Variants in DDX41 observed in about 807,000 individuals in gnomAD.
The protein encoded by DDX41 is DEAD-box helicase 41, also known as probable ATP-dependent RNA helicase DDX41.
DDX41 carries 50 observed loss-of-function variants against 78.8 expected under a neutral mutation model. That is an observed-to-expected ratio of 0.63 (90% CI 0.51 to 0.80). DDX41 has a LOEUF of 0.80. Among genes scored for constraint, DDX41 ranks in the 30% least tolerant of loss-of-function variants. The pLI, the probability that DDX41 is intolerant of heterozygous loss-of-function variation, is 0.00. For missense variants in DDX41, 633 were observed against 849.2 expected, an observed-to-expected ratio of 0.75 and a Z score of 3.16; for synonymous variants, 381 against 321.5, an observed-to-expected ratio of 1.19 and a Z score of -1.98.
chr5:177,516,634 C>T, intron 2 of DDX41, 91 bp downstream of exon 2: 1 of 1,425,508 alleles, frequency 7.0e-7, no homozygotes, highest in South Asian at 1.2e-5. Flanking sequence ...ACTCCTCAGA[C>T]TGCCCTCCTC....
rs1202658237 is a variant in DDX41, at chr5:177,515,940, G to A, written c.423C>T (p.Pro141=). The change falls in exon 5 of 17, where the codon CCC becomes CCT. Residue 141 remains proline (P), a synonymous_variant. Coordinates refer to ENST00000330503, the MANE Select transcript of DDX41 (RefSeq NM_016222.4). ...EMAKGITYDD[P]IKTSWTPPRY... The stretch of plus-strand genomic sequence containing the variant: ...CTGTACAGACATACCTGGTTTTGAT[G>A]GGGTCATCATACGTAATGCCCTTAG... The A allele has an allele frequency of 6.2e-7, 1 of 1,614,128 alleles. No homozygotes were observed. Among genetic ancestry groups the A allele is most frequent in the South Asian group, 1.1e-5 (1 of 91,084 alleles).
At chr5:177,516,552 C>T (rs1400296357) in intron 2 of DDX41, 105 bp from the exon 3 acceptor site, 2 of 1,474,150 alleles carry the variant, frequency 1.4e-6, no homozygotes, top group African/African-American at 2.8e-5. Context: ...AGGCGCAAAG[C>T]TGCCCTACCC....
intron 7 of DDX41, 24 bp from the exon 8 acceptor site, chr5:177,515,093 G>A (rs371633755): frequency 8.7e-6 from 14 of 1,611,732 alleles, no homozygotes; most frequent in Non-Finnish European, 1.2e-5. Flanking sequence ...ATGACCCGAG[G>A]GCCAATTTCA....
Position 177,515,689 on chromosome 5 carries a change from A to G in DDX41, c.567T>C (p.Pro189=). 1 of 1,614,056 alleles carries G rather than the reference A, an allele frequency of 6.2e-7. No individual in the cohort carries two copies. The highest frequency in any genetic ancestry group is 1.1e-5 in the South Asian group (1 of 91,084). The part of the protein sequence containing the change: ...PIKSFKEMKF[P]AAILRGLKKK... ...CTCTCTCCAGCCCCTGACTACCTGC[A>G]GGAAACTTCATTTCCTTGAAGCTCT... The change falls in exon 6 of 17, where the codon CCT becomes CCC. Residue 189 remains proline, a synonymous_variant. Transcript: ENST00000330503.
chr5:177,516,395 T>C lies in DDX41; in HGVS notation c.191A>G (p.Gln64Arg). The change falls in exon 3 of 17, where the codon CAG becomes CGG. Residue 64 changes from glutamine to arginine, a missense_variant. Physicochemically the swap from Gln to Arg is conservative, Grantham distance 43 (BLOSUM62 1). Transcript: ENST00000330503. The part of the protein sequence containing the change: ...RRKGAAEEEQ[Q>R]DSGSEPRGDE... ...TCCCCGGGGTTCACTACCGCTGTCC[T>C]GCTGCTCTTCCTCCGCAGCTCCCTT... The C allele has an allele frequency of 1.2e-6, 2 of 1,613,974 alleles. No homozygotes were observed. The highest frequency in any genetic ancestry group is 1.1e-5 in the South Asian group (1 of 91,084).
At chr5:177,515,135 C>T (rs759005362) in intron 7 of DDX41, 51 bp downstream of exon 7, 1 of 1,613,694 alleles carries the variant, frequency 6.2e-7, no homozygotes, top group Admixed American at 1.7e-5. Flanking sequence ...GCCATTGCTC[C>T]TCCCTGTTCC....
rs56838532 is a variant in DDX41, at chr5:177,515,904, G to A, written c.434+25C>T. On this transcript the variant is annotated intron_variant, in intron 5 of 16. Coordinates refer to ENST00000330503, the MANE Select transcript of DDX41 (RefSeq NM_016222.4). ...CCTGCATGTACCATCCTAAGCAAGG[G>A]CAACTGCAGACTGTACAGACATACC... 3.0e-4 allele frequency: 487 copies of A among 1,614,198 alleles called. 4 individuals carry two copies. The African/African-American group carries it at 5.1e-3, about 17-fold the overall frequency.
chr5:177,515,219 G>A lies in DDX41; in HGVS notation c.611C>T (p.Pro204Leu). 1 of 1,614,028 alleles carries A rather than the reference G, an allele frequency of 6.2e-7. No homozygotes were observed. The highest frequency in any genetic ancestry group is 8.5e-7 in the Non-Finnish European group (1 of 1,180,028). Reference sequence around the variant, plus strand: ...GATGCCCTGGATCTGAATGGGTGTTGGGTGGTGAATGCCTTTCTTCTTCAG... The same window carrying A: ...GATGCCCTGGATCTGAATGGGTGTTAGGTGGTGAATGCCTTTCTTCTTCAG... ...RGLKKKGIHH[P>L]TPIQIQGIPT... Residue 204 changes from proline to leucine, a missense_variant, in exon 7 of 17, where the codon CCA becomes CTA. Physicochemically the swap from Pro to Leu is moderately conservative, Grantham distance 98. Around this residue, in one of 6 missense-constraint regions of DDX41, gnomAD observed 126 missense variants for 115.5 expected, o/e 1.09. Coordinates refer to ENST00000330503, the MANE Select transcript of DDX41 (RefSeq NM_016222.4).
In DDX41 at chr5:177,516,910, C is replaced by G. The variant is rs765022870; in HGVS notation, c.27+9G>C. 71 of 1,613,220 alleles carry G rather than the reference C, an allele frequency of 4.4e-5. No individual in the cohort carries two copies. Among genetic ancestry groups the G allele is most frequent in the Non-Finnish European group, 5.8e-5 (68 of 1,180,016 alleles). On this transcript the variant is annotated intron_variant, in intron 1 of 16. Transcript: ENST00000330503. ...CTCCCACACGCGCGGGGTCTCGCCT[C>G]TCTCCTACCTTCCGTTCGGGTTCCG...
chr5:177,512,975 G>A (rs1371963858), intron 12 of DDX41, 36 bp downstream of exon 12: 2 of 1,612,030 alleles, frequency 1.2e-6, no homozygotes, highest in African/African-American at 1.3e-5. Flanking sequence ...CCTGGTCCTG[G>A]GGACTCTGGC....
intron 2 of DDX41, 59 bp downstream of exon 2, chr5:177,516,666 C>T: frequency 5.3e-6 from 8 of 1,523,468 alleles, no homozygotes; most frequent in Non-Finnish European, 7.1e-6. Context: ...CGAGGCCACG[C>T]CCGCCCCCTG....
rs1300351755 is a variant in DDX41, at chr5:177,516,853, T to C, written c.28-18A>G. 4 of 1,612,952 alleles carry C rather than the reference T, an allele frequency of 2.5e-6. No homozygotes were observed. The highest frequency in any genetic ancestry group is 2.2e-5 in the East Asian group (1 of 44,892). ...CGAGCCCGCTGCAAGCACACGCCAG[T>C]CAGGCACGGCCTGCTCCCCTCTTCA... On this transcript the variant is annotated intron_variant, in intron 1 of 16. Transcript: ENST00000330503.
chr5:177,514,118 G>A lies in DDX41; in HGVS notation c.936-271C>T. 1.6e-6 allele frequency: 1 copy of A among 630,904 alleles called. No homozygotes were observed. Among genetic ancestry groups the A allele is most frequent in the Non-Finnish European group, 2.9e-6 (1 of 339,658 alleles). 39.1% of individuals were successfully genotyped at this position (630,904 alleles called of 1,614,324 possible). ...GAAGCGCTGTCATCAAGCTCCAGAGGCTTTACTCTGGGCTCGCTTTCCTGG... is the reference window on the plus strand; with the variant it reads ...GAAGCGCTGTCATCAAGCTCCAGAGACTTTACTCTGGGCTCGCTTTCCTGG... On this transcript the variant is annotated intron_variant, in intron 9 of 16. Coordinates refer to ENST00000330503, the MANE Select transcript of DDX41 (RefSeq NM_016222.4). The surrounding 1 kb of genome is among the most constrained non-coding windows in gnomAD (Gnocchi z 4.2).
Position 177,513,215 on chromosome 5 carries a change from C to T in DDX41, c.1231-133G>A. 1.3e-6 allele frequency: 2 copies of T among 1,525,706 alleles called. No individual in the cohort carries two copies. Among genetic ancestry groups the T allele is most frequent in the Non-Finnish European group, 1.8e-6 (2 of 1,124,702 alleles). The allele number at this position is 1,525,706 out of a possible 1,614,324, so 94.5% of individuals were successfully genotyped here. A position where few individuals can be genotyped will look rare whatever the true frequency, so the allele number is the denominator to read the frequency against. ...CCAAGGGCTGGTGCCCTAAAAATGGCCCTGGTTAAGCGTCAGGGGCTTTGA... is the reference window on the plus strand; with the variant it reads ...CCAAGGGCTGGTGCCCTAAAAATGGTCCTGGTTAAGCGTCAGGGGCTTTGA... On this transcript the variant is annotated intron_variant, in intron 11 of 16. Coordinates refer to ENST00000330503, the MANE Select transcript of DDX41 (RefSeq NM_016222.4). The surrounding 1 kb of genome is among the most constrained non-coding windows in gnomAD (Gnocchi z 4.6).
In DDX41 at chr5:177,515,804, T is replaced by C; in HGVS notation, c.452A>G (p.Tyr151Cys). 1 of 1,614,134 alleles carries C rather than the reference T, an allele frequency of 6.2e-7. No homozygotes were observed. The highest frequency in any genetic ancestry group is 8.5e-7 in the Non-Finnish European group (1 of 1,180,030). The change falls in exon 6 of 17, where the codon TAT becomes TGT. Residue 151 changes from tyrosine (Y) to cysteine (C), a missense_variant. By Grantham distance (194) the Tyr-to-Cys change is radical. Transcript: ENST00000330503. ...PIKTSWTPPR[Y>C]VLSMSEERHE... ...TCGCTCTTCAGACATGCTCAGAACA[T>C]AACGGGGTGGAGTCCAGCTGTGGAT...
Position 177,513,948 on chromosome 5 carries a change from CTATT to C in DDX41, c.936-105_936-102del. Reference sequence around the variant, plus strand: ...TCTGCTCTGCTCTCTGTCCTCCTTCCTATTTCTTTGTCTGTCCCCTTCTCATCAT... The same window carrying C: ...TCTGCTCTGCTCTCTGTCCTCCTTCCTCTTTGTCTGTCCCCTTCTCATCAT... On this transcript the variant is annotated intron_variant, in intron 9 of 16. Coordinates refer to ENST00000330503, the MANE Select transcript of DDX41 (RefSeq NM_016222.4). This position sits in a 1 kb window ranked among gnomAD's most constrained non-coding sequence, Gnocchi z 4.6. The C allele has an allele frequency of 8.2e-7, 1 of 1,224,486 alleles. No individual in the cohort carries two copies. The highest frequency in any genetic ancestry group is 1.2e-6 in the Non-Finnish European group (1 of 853,346). 75.9% of individuals were successfully genotyped at this position (1,224,486 alleles called of 1,614,324 possible).
chr5:177,512,419 G>C (rs763678467), intron 14 of DDX41, 26 bp from the exon 15 acceptor site: 8 of 1,614,078 alleles, frequency 5.0e-6, no homozygotes, highest in Non-Finnish European at 5.9e-6. Context: ...CAGAGTCTCT[G>C]GCCCATCGCT....
Position 177,511,643 on chromosome 5 carries a change from G to C in DDX41, c.*148C>G. Reference sequence around the variant, plus strand: ...GAAACAAAAACAGTAATTCTGAAGAGCACAGGGAACAGGCAGCCAGGACCA... The same window carrying C: ...GAAACAAAAACAGTAATTCTGAAGACCACAGGGAACAGGCAGCCAGGACCA... On this transcript the variant is annotated 3_prime_UTR_variant, in exon 17 of 17. Coordinates refer to ENST00000330503, the MANE Select transcript of DDX41 (RefSeq NM_016222.4). 9.3e-7 allele frequency: 1 copy of C among 1,071,364 alleles called. No individual in the cohort carries two copies. The highest frequency in any genetic ancestry group is 1.4e-6 in the Non-Finnish European group (1 of 731,628). 66.4% of individuals were successfully genotyped at this position (1,071,364 alleles called of 1,614,324 possible).
intron 5 of DDX41, 30 bp downstream of exon 5, chr5:177,515,899 C>G: frequency 6.2e-7 from 1 of 1,614,176 alleles, no homozygotes; most frequent in Non-Finnish European, 8.5e-7. Flanking sequence ...CCATCCTAAG[C>G]AAGGGCAACT....
Sources: allele counts gnomAD v4.1 joint callset, GRCh38; gene constraint gnomAD v4.1.1; regional missense constraint gnomAD v4.1.1; non-coding constraint Gnocchi (gnomAD v3.1); transcripts MANE v1.5; gene names NCBI Gene and HGNC (gene_info 2026-07-23, HGNC 2026-07-21).